Variants in GNB4 observed in about 807,000 individuals in gnomAD.
GNB4 encodes the protein guanine nucleotide-binding protein subunit beta-4.
A neutral mutation model predicts 45.2 loss-of-function variants in GNB4; 28 were observed. The ratio of observed to expected loss-of-function variants is 0.62; its 90% CI spans 0.46 to 0.85. The LOEUF (loss-of-function observed/expected upper bound fraction) is 0.85. Ranked by LOEUF, GNB4 falls within the 40% of genes least tolerant of loss-of-function variation. GNB4 has a pLI of 0.00. For synonymous variants in GNB4, 132 were observed against 143.7 expected (o/e 0.92, Z 0.58); for missense variants, 321 against 425.4 (o/e 0.75, Z 2.16).
the GNB4 span, among the ~76,000 whole-genome samples, chr3:179,459,223 A>G: frequency 2.6e-5 from 4 of 152,284 alleles, no homozygotes; most frequent in African/African-American, 9.6e-5. Flanking sequence ...CAACCTAAGG[A>G]AAGAGTGTGC....
intron 1 of GNB4, chr3:179,437,607 TAGTTCAGGTCA>T (rs1715490347): frequency 1.3e-5 from 2 of 152,188 alleles, no homozygotes; most frequent in South Asian, 4.1e-4. Context: ...CATGTTGTTA[TAGTTCAGGTCA>T]CACTGTGCCA....
At chr3:179,526,112 G>A in the GNB4 span, among the ~76,000 whole-genome samples, 4 of 152,218 alleles carry the variant, frequency 2.6e-5, no homozygotes, top group Non-Finnish European at 5.9e-5. Context: ...GTAGGTAAAG[G>A]AAAATTACAG....
rs140630428 is a variant in GNB4, at chr3:179,421,200, C to G, written c.58-273G>C. The stretch of plus-strand genomic sequence containing the variant: ...TCACCCCAAAAAAGAAACCCCATAT[C>G]TCCTAATTCCTTTTTCTCTCACAGC... On this transcript the variant is annotated intron_variant, in intron 2 of 9. Coordinates refer to ENST00000232564, the MANE Select transcript of GNB4 (RefSeq NM_021629.4). Among the ~76,000 whole-genome samples the G allele has an allele frequency of 6.9e-3, 1,052 of 152,244 alleles. 14 individuals are homozygous for G. Among genetic ancestry groups the G allele is most frequent in the African/African-American group, 0.024 (1,015 of 41,560 alleles).
the GNB4 span, among the ~76,000 whole-genome samples, chr3:179,459,725 C>T: frequency 2.6e-5 from 4 of 152,098 alleles, no homozygotes; most frequent in South Asian, 8.3e-4. Flanking sequence ...AAAAAGAAGC[C>T]TACCTTCCAA....
intron 1 of GNB4, among the ~76,000 whole-genome samples, chr3:179,445,825 G>A (rs1344185723): frequency 1.3e-5 from 2 of 152,066 alleles, no homozygotes; most frequent in Admixed American, 1.3e-4. Flanking sequence ...GCATCTCAGT[G>A]GGAGTTTGTC....
the GNB4 span, among the ~76,000 whole-genome samples, chr3:179,498,671 G>A: frequency 6.6e-6 from 1 of 151,806 alleles, no homozygotes; most frequent in Non-Finnish European, 1.5e-5. Flanking sequence ...CTGAGCTCAT[G>A]GTCTGCCTGC....
the GNB4 span, among the ~76,000 whole-genome samples, chr3:179,514,597 AG>A: frequency 6.6e-6 from 1 of 152,194 alleles, no homozygotes; most frequent in Non-Finnish European, 1.5e-5. Context: ...AGGTTAAATG[AG>A]GTCATAAGAG....
the GNB4 span, among the ~76,000 whole-genome samples, chr3:179,514,726 C>T: frequency 1.3e-5 from 2 of 152,096 alleles, no homozygotes; most frequent in African/African-American, 4.8e-5. Context: ...CACCTGCAAG[C>T]CAAGGAGAGA....
chr3:179,524,615 G>A, the GNB4 span, among the ~76,000 whole-genome samples: 76 of 152,124 alleles, frequency 5.0e-4, 1 homozygote, highest in African/African-American at 1.8e-3. Flanking sequence ...TTTAAATGTC[G>A]GGAGCTGATT....
At chr3:179,489,243 A>G in the GNB4 span, among the ~76,000 whole-genome samples, 3 of 151,732 alleles carry the variant, frequency 2.0e-5, no homozygotes, top group African/African-American at 4.8e-5. Flanking sequence ...AATGCTATGT[A>G]GAATAGAATA....
At chr3:179,415,218 C>T (rs557126462) in intron 5 of GNB4, among the ~76,000 whole-genome samples, 171 bp from the exon 6 acceptor site, 2 of 152,162 alleles carry the variant, frequency 1.3e-5, no homozygotes, top group East Asian at 3.9e-4. Context: ...ACAACACTAA[C>T]GCACATTAAA....
At chr3:179,475,063 G>A in the GNB4 span, among the ~76,000 whole-genome samples, 1 of 152,110 alleles carries the variant, frequency 6.6e-6, no homozygotes, top group African/African-American at 2.4e-5. Flanking sequence ...GCAAGGGTGA[G>A]AGCAAGAGAC....
chr3:179,432,360 C>T (rs1310470447), intron 1 of GNB4, among the ~76,000 whole-genome samples: 1 of 152,096 alleles, frequency 6.6e-6, no homozygotes, highest in Admixed American at 6.6e-5. Context: ...ACAACTGATT[C>T]ATTTTGTCAC....
the GNB4 span, among the ~76,000 whole-genome samples, chr3:179,508,490 C>T: frequency 2.0e-5 from 3 of 151,978 alleles, no homozygotes. Flanking sequence ...CTTACATTTG[C>T]GAAAAGAAAC....
chr3:179,500,705 A>G, the GNB4 span, among the ~76,000 whole-genome samples: 1 of 152,124 alleles, frequency 6.6e-6, no homozygotes, highest in East Asian at 1.9e-4. Context: ...TTGATTCTTC[A>G]TATCCATGAG....
chr3:179,438,592 A>G (rs1715520183), intron 1 of GNB4, among the ~76,000 whole-genome samples: 1 of 152,238 alleles, frequency 6.6e-6, no homozygotes, highest in Non-Finnish European at 1.5e-5. Flanking sequence ...AAAAATGGAA[A>G]AAGAAATGAC....
intron 1 of GNB4, among the ~76,000 whole-genome samples, chr3:179,428,680 C>G (rs1715217995): frequency 6.6e-6 from 1 of 152,136 alleles, no homozygotes; most frequent in Non-Finnish European, 1.5e-5. Flanking sequence ...ATTATTATTA[C>G]TATTATGGTT....
chr3:179,516,685 T>C, the GNB4 span, among the ~76,000 whole-genome samples: 3 of 152,090 alleles, frequency 2.0e-5, no homozygotes, highest in Non-Finnish European at 4.4e-5. Flanking sequence ...AATAACAGAA[T>C]AGAATGGGCC....
intron 1 of GNB4, among the ~76,000 whole-genome samples, chr3:179,442,072 G>A (rs1358467504): frequency 6.6e-6 from 1 of 152,164 alleles, no homozygotes; most frequent in Non-Finnish European, 1.5e-5. Context: ...CTCCCAAAGT[G>A]CTGGGATTAC....
Sources: gnomAD v4.1 joint callset for allele counts (sites outside exome capture counted in the v4.1 genomes callset) on GRCh38, gnomAD v4.1.1 for gene constraint, MANE v1.5 for transcripts, NCBI Gene and HGNC (gene_info 2026-07-23, HGNC 2026-07-21) for gene names.